The following TRRAP variants were observed in gnomAD, a reference collection of about 807,000 sequenced individuals.
TRRAP encodes transformation/transcription domain associated protein, also known as transformation/transcription domain-associated protein.
A neutral mutation model predicts 438.8 loss-of-function variants in TRRAP; 41 were observed. That is an observed-to-expected ratio of 0.09 (90% CI 0.07 to 0.12). The LOEUF (loss-of-function observed/expected upper bound fraction) is 0.12, where lower values mean the gene tolerates loss of function less well. Ranked by LOEUF, TRRAP falls within the 10% of genes least tolerant of loss-of-function variation. The pLI, the probability that TRRAP is intolerant of heterozygous loss-of-function variation, is 1.00. For missense variants in TRRAP, 3,122 were observed against 5,055.1 expected, an observed-to-expected ratio of 0.62 and a Z score of 11.60; for synonymous variants, 1,994 against 1,962.9, an observed-to-expected ratio of 1.02 and a Z score of -0.42.
At chr7:98,925,983 T>G (rs1790030814) in intron 22 of TRRAP, among the ~76,000 whole-genome samples, 1 of 152,156 alleles carries the variant, frequency 6.6e-6, no homozygotes, top group Non-Finnish European at 1.5e-5. Context: ...AGAACTAGGT[T>G]GTAACTATGC....
chr7:98,931,110 T>G (rs1257819818), intron 25 of TRRAP, among the ~76,000 whole-genome samples: 5 of 152,216 alleles, frequency 3.3e-5, no homozygotes, highest in African/African-American at 1.2e-4. Context: ...ATGTGCTGTT[T>G]CCGGAGGAGC....
In TRRAP at chr7:98,930,916, A is replaced by G. The variant is rs140450969; in HGVS notation, c.3591+86A>G. On this transcript the variant is annotated intron_variant, in intron 25 of 72. Coordinates refer to ENST00000456197, the MANE Select transcript of TRRAP (RefSeq NM_001375524.1). ...AATACTATAAGATCCTTCTGCAAAT[A>G]TGCTCTCCTAGCAGCATGGTGACTT... The G allele has an allele frequency of 3.4e-5, 52 of 1,518,764 alleles. No individual in the cohort carries two copies. The African/African-American group carries it at 6.6e-4, about 19-fold the overall frequency. The allele number at this position is 1,518,764 out of a possible 1,614,324, so 94.1% of individuals were successfully genotyped here.
Position 99,012,378 on chromosome 7 carries a change from G to A in TRRAP, c.*23G>A, listed in dbSNP as rs1346133535. On this transcript the variant is annotated 3_prime_UTR_variant, in exon 73 of 73. Coordinates refer to ENST00000456197, the MANE Select transcript of TRRAP (RefSeq NM_001375524.1). The surrounding 1 kb of genome is among the most constrained non-coding windows in gnomAD (Gnocchi z 5.9). ...TGACTGTGGCCGCCACGGCCACCCG[G>A]AATGTGAAGGGCGCTCCGGGCTCTG... The A allele has an allele frequency of 4.5e-6, 7 of 1,571,790 alleles. No individual in the cohort carries two copies. Among genetic ancestry groups the A allele is most frequent in the Non-Finnish European group, 6.0e-6 (7 of 1,157,186 alleles).
intron 39 of TRRAP, among the ~76,000 whole-genome samples, chr7:98,952,933 C>T (rs1028122934): frequency 2.6e-5 from 4 of 152,034 alleles, no homozygotes; most frequent in African/African-American, 9.7e-5. Flanking sequence ...CTGGGCAGAG[C>T]AAATTGGGGT....
chr7:98,935,035 TA>T (rs560349683), intron 27 of TRRAP, among the ~76,000 whole-genome samples: 430 of 152,174 alleles, frequency 2.8e-3, no homozygotes, highest in South Asian at 3.9e-3. Flanking sequence ...GTTATTTAGA[TA>T]ACAGATAGAG....
intron 2 of TRRAP, chr7:98,881,646 A>G (rs1795441172): frequency 6.4e-6 from 2 of 310,094 alleles, no homozygotes; most frequent in Non-Finnish European, 1.2e-5. Context: ...CTTTGAGATT[A>G]ATCGTAACAG....
At chr7:98,935,491 G>T in intron 27 of TRRAP, 88 bp from the exon 28 acceptor site, 1 of 1,138,990 alleles carries the variant, frequency 8.8e-7, no homozygotes. Flanking sequence ...GTTGCAGTGT[G>T]TGGAAGATTG....
At chr7:98,905,745 A>G (rs1349005977) in intron 12 of TRRAP, among the ~76,000 whole-genome samples, 1 of 152,210 alleles carries the variant, frequency 6.6e-6, no homozygotes, top group African/African-American at 2.4e-5. Flanking sequence ...TGTAATTTAC[A>G]TAGAGAAACA....
chr7:98,935,822 T>C, intron 28 of TRRAP, 147 bp downstream of exon 28: 1 of 551,936 alleles, frequency 1.8e-6, no homozygotes, highest in Non-Finnish European at 3.1e-6. Context: ...ATTATTTTTG[T>C]ATGTTTATCA....
intron 27 of TRRAP, among the ~76,000 whole-genome samples, chr7:98,934,299 A>G (rs553224599): frequency 2.0e-5 from 3 of 152,326 alleles, no homozygotes; most frequent in East Asian, 1.9e-4. Flanking sequence ...CCAGGTCCAT[A>G]CTGTCTGAAT....
chr7:98,916,027 CCCCCTGCCCCCCT>C lies in TRRAP; in HGVS notation c.2365+146_2365+158del, dbSNP rs1213845483. 5 of 1,119,152 alleles carry C rather than the reference CCCCCTGCCCCCCT, an allele frequency of 4.5e-6. No homozygotes were observed. The African/African-American group carries it at 4.7e-5, about 11-fold the overall frequency. The allele number at this position is 1,119,152 out of a possible 1,614,324, so 69.3% of individuals were successfully genotyped here. A position where few individuals can be genotyped will look rare whatever the true frequency, so the allele number is the denominator to read the frequency against. On this transcript the variant is annotated intron_variant, in intron 19 of 72. Transcript: ENST00000456197. Reference sequence around the variant, plus strand: ...GGATGGGATGTGGCACATCCGCCGCCCCCCTGCCCCCCTCCCCTGGCCCTGGTCATCTACTGGG... The same window carrying C: ...GGATGGGATGTGGCACATCCGCCGCCCCCCTGGCCCTGGTCATCTACTGGG...
intron 12 of TRRAP, among the ~76,000 whole-genome samples, chr7:98,905,824 A>G (rs782702383): frequency 6.6e-5 from 10 of 152,176 alleles, no homozygotes; most frequent in Non-Finnish European, 1.5e-4. Flanking sequence ...CCCTTGTCCA[A>G]ACTGGTTGGG....
At chr7:98,964,588 G>C in intron 47 of TRRAP, 41 bp from the exon 48 acceptor site, 6 of 1,595,566 alleles carry the variant, frequency 3.8e-6, no homozygotes, top group Non-Finnish European at 5.1e-6. Context: ...TTTCGTGGTT[G>C]TTACTTTTCT....
intron 5 of TRRAP, 136 bp from the exon 6 acceptor site, chr7:98,893,662 G>A: frequency 2.6e-6 from 2 of 777,844 alleles, no homozygotes; most frequent in Non-Finnish European, 4.3e-6. Context: ...TGGGACAACT[G>A]TGTTCTGTGA....
intron 38 of TRRAP, 99 bp from the exon 39 acceptor site, chr7:98,950,777 T>G: frequency 7.3e-7 from 1 of 1,368,182 alleles, no homozygotes; most frequent in Non-Finnish European, 9.5e-7. Context: ...AGTTCCAACT[T>G]GATGGTGTGC....
At chr7:98,977,344 T>C (rs1792707641) in intron 56 of TRRAP, among the ~76,000 whole-genome samples, 1 of 152,190 alleles carries the variant, frequency 6.6e-6, no homozygotes. Context: ...GTATTTTTAG[T>C]AGAGACGGGG....
At chr7:98,912,622 C>A (rs1396039066) in intron 18 of TRRAP, among the ~76,000 whole-genome samples, 4 of 151,894 alleles carry the variant, frequency 2.6e-5, no homozygotes, top group Non-Finnish European at 5.9e-5. Context: ...CACTGATTTT[C>A]TTTTTTAAAC....
At chr7:98,886,605 T>C (rs1156794073) in intron 3 of TRRAP, among the ~76,000 whole-genome samples, 1 of 152,174 alleles carries the variant, frequency 6.6e-6, no homozygotes, top group Non-Finnish European at 1.5e-5. Context: ...ACATTTACCT[T>C]AAATGAAATT....
At chr7:98,933,823 T>C (rs1215438667) in intron 27 of TRRAP, among the ~76,000 whole-genome samples, 7 of 152,268 alleles carry the variant, frequency 4.6e-5, no homozygotes, top group African/African-American at 1.7e-4. Flanking sequence ...CCCTAAGTTC[T>C]GACAGCACCC....
Sources: allele counts gnomAD v4.1 joint callset (sites outside exome capture counted in the v4.1 genomes callset), GRCh38; gene constraint gnomAD v4.1.1; non-coding constraint Gnocchi (gnomAD v3.1); transcripts MANE v1.5; gene names NCBI Gene and HGNC (gene_info 2026-07-23, HGNC 2026-07-21).